The following PRELID2 variants were observed in gnomAD, a reference collection of about 807,000 sequenced individuals.
PRELID2 encodes the protein PRELI domain-containing protein 2.
Under a neutral mutation model 28.4 loss-of-function variants are expected in PRELID2, and 25 were observed. The observed-to-expected ratio is 0.88, with a 90% CI of 0.64 to 1.23. PRELID2 has a LOEUF of 1.23. Among genes scored for constraint, PRELID2 ranks in the 50% most tolerant of loss-of-function variants. PRELID2 has a pLI of 0.00. For missense variants in PRELID2, 201 were observed against 214.4 expected (o/e 0.94, Z 0.39); for synonymous variants, 76 against 71.6 (o/e 1.06, Z -0.31).
chr5:145,242,205 CA>C, the PRELID2 span, among the ~76,000 whole-genome samples: 12,711 of 151,818 alleles, frequency 0.084, 1,164 homozygotes, highest in African/African-American at 0.23. Flanking sequence ...AGCTTTCAAG[CA>C]AAAAATTTAT....
chr5:145,281,175 C>T, the PRELID2 span, among the ~76,000 whole-genome samples: 35,700 of 151,970 alleles, frequency 0.23, 5,157 homozygotes, highest in Non-Finnish European at 0.31. Flanking sequence ...CTTAGCAATC[C>T]AATGATTAGT....
chr5:145,819,277 G>A, intron 3 of PRELID2: 1 of 782,982 alleles, frequency 1.3e-6, no homozygotes. Context: ...TGTTTAAAGG[G>A]CATATCCAGA....
At position 145,740,840 on chromosome 5, in the gene PRELID2, C is replaced by CTATAAATATATAT. The variant is rs1561566818; in HGVS notation, n.70+24090_70+24091insATATATATTTATA. Among the ~76,000 whole-genome samples, 55 of 104,954 alleles carry CTATAAATATATAT rather than the reference C, an allele frequency of 5.2e-4. 1 individual carries two copies. Among genetic ancestry groups the CTATAAATATATAT allele is most frequent in the African/African-American group, 1.7e-3 (45 of 27,006 alleles). The allele number at this position is 104,954 out of a possible 152,430, so 68.9% of individuals were successfully genotyped here. On this transcript the variant is annotated intron_variant and non_coding_transcript_variant, in intron 1 of 2. Transcript: ENST00000510259. ...TACATATATACAAATATATATTTAT[C>CTATAAATATATAT]GATAAATATATATGTACATATATTT... is the stretch of plus-strand genomic sequence containing the variant.
the PRELID2 span, among the ~76,000 whole-genome samples, chr5:145,324,277 G>T: frequency 6.6e-6 from 1 of 152,102 alleles, no homozygotes; most frequent in Admixed American, 6.5e-5. Flanking sequence ...ACAACTCCCA[G>T]CCTAGCCTGG....
At chr5:145,704,784 A>C (rs1755499449) in intron 1 of PRELID2, among the ~76,000 whole-genome samples, 1 of 152,176 alleles carries the variant, frequency 6.6e-6, no homozygotes, top group African/African-American at 2.4e-5. Flanking sequence ...CCGAAAGGGA[A>C]TATAGTCTCC....
At chr5:145,386,867 T>C in the PRELID2 span, among the ~76,000 whole-genome samples, 1 of 152,186 alleles carries the variant, frequency 6.6e-6, no homozygotes, top group Non-Finnish European at 1.5e-5. Context: ...TTCAAGAAAT[T>C]ACTTGTTCTA....
chr5:145,417,670 G>A, the PRELID2 span, among the ~76,000 whole-genome samples: 1 of 152,066 alleles, frequency 6.6e-6, no homozygotes, highest in Non-Finnish European at 1.5e-5. Context: ...AATAGATGCA[G>A]AAAAAGCCTT....
At chr5:145,234,704 A>G in the PRELID2 span, among the ~76,000 whole-genome samples, 1 of 152,168 alleles carries the variant, frequency 6.6e-6, no homozygotes, top group African/African-American at 2.4e-5. Context: ...CTGAAGACCT[A>G]GTCTACATCC....
the PRELID2 span, among the ~76,000 whole-genome samples, chr5:145,272,503 C>G: frequency 6.6e-6 from 1 of 151,950 alleles, no homozygotes; most frequent in East Asian, 1.9e-4. Flanking sequence ...TAACACACAG[C>G]GCTGCAGAGG....
chr5:145,455,350 A>G, the PRELID2 span, among the ~76,000 whole-genome samples: 1 of 151,992 alleles, frequency 6.6e-6, no homozygotes, highest in Admixed American at 6.6e-5. Flanking sequence ...TGTTTTGGTT[A>G]CTGTAGCCTT....
At chr5:145,416,656 G>C in the PRELID2 span, among the ~76,000 whole-genome samples, 2 of 152,128 alleles carry the variant, frequency 1.3e-5, no homozygotes, top group Non-Finnish European at 2.9e-5. Flanking sequence ...GCAGCATTAA[G>C]AGGAAAATTT....
chr5:145,475,523 C>T (rs898013285), intron 1 of PRELID2, among the ~76,000 whole-genome samples: 1 of 152,122 alleles, frequency 6.6e-6, no homozygotes, highest in Non-Finnish European at 1.5e-5. Flanking sequence ...GTTCTTACTA[C>T]ATGAATGCAT....
At chr5:145,459,457 T>A in the PRELID2 span, among the ~76,000 whole-genome samples, 2 of 152,044 alleles carry the variant, frequency 1.3e-5, no homozygotes, top group African/African-American at 2.4e-5. Context: ...TCAAAAAAAA[T>A]AAATGTGTTA....
intron 5 of PRELID2, among the ~76,000 whole-genome samples, chr5:145,784,219 G>A (rs2149799207): frequency 1.4e-5 from 2 of 144,834 alleles, no homozygotes; most frequent in South Asian, 4.4e-4. Context: ...GAAAGGCAGA[G>A]GTTGTGGTGA....
the PRELID2 span, among the ~76,000 whole-genome samples, chr5:145,239,954 G>T: frequency 5.3e-5 from 8 of 151,896 alleles, no homozygotes; most frequent in African/African-American, 1.9e-4. Context: ...TAAAAATATG[G>T]CCCCCAGCAA....
At chr5:145,813,705 CAATA>C in intron 4 of PRELID2, among the ~76,000 whole-genome samples, 1 of 151,926 alleles carries the variant, frequency 6.6e-6, no homozygotes, top group South Asian at 2.1e-4. Flanking sequence ...TAGTAGGCAT[CAATA>C]AATGTTAGCC....
intron 1 of PRELID2, among the ~76,000 whole-genome samples, chr5:145,660,349 C>T (rs1754469414): frequency 1.3e-5 from 2 of 152,292 alleles, no homozygotes; most frequent in African/African-American, 2.4e-5. Flanking sequence ...TCCAAATTGT[C>T]GCAATCCAGC....
chr5:145,229,155 TC>T, the PRELID2 span: 1 of 990,588 alleles, frequency 1.0e-6, no homozygotes, highest in Non-Finnish European at 1.6e-6. Context: ...CAAGTGTGTG[TC>T]CCACAGCCCC....
At chr5:145,360,361 T>C in the PRELID2 span, among the ~76,000 whole-genome samples, 1 of 151,420 alleles carries the variant, frequency 6.6e-6, no homozygotes, top group African/African-American at 2.4e-5. Context: ...GCATAAGCAG[T>C]AAGGAGGCAG....
Sources: gnomAD v4.1 joint callset for allele counts (sites outside exome capture counted in the v4.1 genomes callset) on GRCh38, gnomAD v4.1.1 for gene constraint, MANE v1.5 for transcripts, NCBI Gene and HGNC (gene_info 2026-07-23, HGNC 2026-07-21) for gene names.